UTP20: variants seen among roughly 807,000 people sequenced by gnomAD.
UTP20 encodes small subunit processome component 20 homolog.
In UTP20, 164 loss-of-function variants were observed where a neutral mutation model predicts 329.5. The observed-to-expected ratio is 0.50, with a 90% CI of 0.44 to 0.57. The LOEUF is 0.57. Among genes scored for constraint, UTP20 ranks in the 20% least tolerant of loss-of-function variants. UTP20 has a pLI of 0.00. For synonymous variants in UTP20, 1,151 were observed against 1,159.3 expected, an observed-to-expected ratio of 0.99 and a Z score of 0.14; for missense variants, 3,055 against 3,284.2, an observed-to-expected ratio of 0.93 and a Z score of 1.71.
Position 101,316,043 on chromosome 12 carries a change from G to A in UTP20, c.2553-1435G>A, listed in dbSNP as rs930743744. On this transcript the variant is annotated intron_variant, in intron 21 of 61. Coordinates refer to ENST00000261637, the MANE Select transcript of UTP20 (RefSeq NM_014503.3). ...TAAATAATACATTTATAGATGATCCGAACTAATGGAAAACCCAAATGTCAC... is the reference window on the plus strand; with the variant it reads ...TAAATAATACATTTATAGATGATCCAAACTAATGGAAAACCCAAATGTCAC... Among the ~76,000 whole-genome samples the A allele has an allele frequency of 5.9e-5, 9 of 152,302 alleles. 1 individual carries two copies. The South Asian group carries it at 1.2e-3, about 21-fold the overall frequency.
At chr12:101,294,278 G>A (rs1051800848) in intron 11 of UTP20, among the ~76,000 whole-genome samples, 2 of 151,982 alleles carry the variant, frequency 1.3e-5, no homozygotes, top group African/African-American at 2.4e-5. Flanking sequence ...CTTGTGATCT[G>A]CCTGCCTCGG....
chr12:101,386,183 C>A lies in UTP20; in HGVS notation c.*60C>A. 6.7e-7 allele frequency: 1 copy of A among 1,494,308 alleles called. No individual in the cohort carries two copies. The highest frequency in any genetic ancestry group is 9.0e-7 in the Non-Finnish European group (1 of 1,105,392). 92.6% of individuals were successfully genotyped at this position (1,494,308 alleles called of 1,614,324 possible). ...GGAATATTCTGCTAGTCTGAAATTACAGTAGGTTGTCTGGGGTAGGGGGGA... is the reference window on the plus strand; with the variant it reads ...GGAATATTCTGCTAGTCTGAAATTAAAGTAGGTTGTCTGGGGTAGGGGGGA... On this transcript the variant is annotated 3_prime_UTR_variant, in exon 62 of 62. Transcript: ENST00000261637.
chr12:101,361,319 T>G (rs936181625), intron 43 of UTP20, among the ~76,000 whole-genome samples: 1 of 152,112 alleles, frequency 6.6e-6, no homozygotes, highest in African/African-American at 2.4e-5. Context: ...GTTGGTCTTC[T>G]TTCTTTAAAG....
At chr12:101,357,373 T>C (rs1465714077) in intron 43 of UTP20, among the ~76,000 whole-genome samples, 1 of 152,226 alleles carries the variant, frequency 6.6e-6, no homozygotes, top group Non-Finnish European at 1.5e-5. Flanking sequence ...ATAATTCTTT[T>C]GGGATGTGTA....
intron 35 of UTP20, 64 bp downstream of exon 35, chr12:101,343,157 A>G: frequency 6.0e-6 from 7 of 1,172,804 alleles, no homozygotes; most frequent in Non-Finnish European, 8.2e-6. Flanking sequence ...GCTGCCTAAT[A>G]CAGTGACCTG....
intron 21 of UTP20, among the ~76,000 whole-genome samples, chr12:101,313,709 C>T (rs533851834): frequency 7.4e-5 from 11 of 148,188 alleles, no homozygotes; most frequent in East Asian, 4.0e-4. Flanking sequence ...AGATGTGGGA[C>T]GGGTGTGTGT....
At chr12:101,314,919 C>G (rs527238399) in intron 21 of UTP20, among the ~76,000 whole-genome samples, 80 of 150,868 alleles carry the variant, frequency 5.3e-4, no homozygotes, top group African/African-American at 1.9e-3. Flanking sequence ...TAGTGAAATC[C>G]CGTCTCTACT....
At chr12:101,333,018 C>T (rs1015508749) in intron 27 of UTP20, among the ~76,000 whole-genome samples, 17 of 152,158 alleles carry the variant, frequency 1.1e-4, no homozygotes, top group Non-Finnish European at 2.5e-4. Context: ...TAAAACAATA[C>T]AGAATACAAA....
chr12:101,338,350 A>T (rs940897960), intron 30 of UTP20, 73 bp downstream of exon 30: 4 of 1,502,224 alleles, frequency 2.7e-6, no homozygotes, highest in Non-Finnish European at 3.7e-6. Context: ...GAGAAAAAAA[A>T]TCAGTATAAT....
rs370715875 is a variant in UTP20 at position 101,308,334 on chromosome 12, G to A, written c.2145G>A (p.Pro715=). 5.5e-5 allele frequency: 83 copies of A among 1,508,558 alleles called. No individual in the cohort carries two copies. Among genetic ancestry groups the A allele is most frequent in the Middle Eastern group, 1.8e-4 (1 of 5,670 alleles). 93.4% of individuals were successfully genotyped at this position (1,508,558 alleles called of 1,614,324 possible). A position where few individuals can be genotyped will look rare whatever the true frequency, so the allele number is the denominator to read the frequency against. ...DVVQTAVPDG[P]LQEVPLRYLL... is the part of the protein sequence containing the mutation. Reference sequence around the variant, plus strand: ...TACAGACTGCTGTCCCTGATGGGCCGTTACAGGAGGTAAAAATAGTGTTCT... The same window carrying A: ...TACAGACTGCTGTCCCTGATGGGCCATTACAGGAGGTAAAAATAGTGTTCT... The change falls in exon 18 of 62, where the codon CCG becomes CCA. Residue 715 remains proline, a synonymous_variant. Coordinates refer to ENST00000261637, the MANE Select transcript of UTP20 (RefSeq NM_014503.3).
At chr12:101,290,095 A>G (rs1218191146) in intron 6 of UTP20, 42 bp from the exon 7 acceptor site, 1 of 1,410,518 alleles carries the variant, frequency 7.1e-7, no homozygotes, top group Non-Finnish European at 9.7e-7. Flanking sequence ...GGATATGTTT[A>G]TGTTTGTGAA....
chr12:101,329,846 A>G (rs1176423640), intron 27 of UTP20, among the ~76,000 whole-genome samples: 3 of 152,028 alleles, frequency 2.0e-5, no homozygotes, highest in African/African-American at 4.8e-5. Flanking sequence ...TATGCAAAAA[A>G]GTAAAAAAAT....
intron 40 of UTP20, among the ~76,000 whole-genome samples, chr12:101,354,050 C>T (rs1162834777): frequency 6.6e-6 from 1 of 151,918 alleles, no homozygotes; most frequent in African/African-American, 2.4e-5. Flanking sequence ...CACTTGAGGC[C>T]AGGAGTTCGA....
chr12:101,371,253 G>T, intron 51 of UTP20, 85 bp downstream of exon 51: 1 of 958,852 alleles, frequency 1.0e-6, no homozygotes, highest in Non-Finnish European at 1.5e-6. Context: ...GCTGAATTCT[G>T]AAGACCACCT....
chr12:101,342,458 G>A lies in UTP20; in HGVS notation c.4114G>A (p.Asp1372Asn). 1 of 1,607,438 alleles carries A rather than the reference G, an allele frequency of 6.2e-7. No individual in the cohort carries two copies. The highest frequency in any genetic ancestry group is 8.5e-7 in the Non-Finnish European group (1 of 1,178,352). Residue 1372 changes from aspartate (D) to asparagine (N), a missense_variant, in exon 33 of 62, where the codon GAT becomes AAT. Asp to Asn is a conservative substitution (Grantham distance 23). Around this residue, in one of 3 missense-constraint regions of UTP20, gnomAD observed 2,445 missense variants for 2,575.5 expected, o/e 0.95. Transcript: ENST00000261637. The stretch of plus-strand genomic sequence containing the variant: ...ATTTCTTCTCAAGGATACAGAGGTT[G>A]ATATTCTGGTGACAGTACAAAACTT... Reference protein sequence around the residue: ...RGNIAEDTEVDILVTVQNLLK... With the variant: ...RGNIAEDTEVNILVTVQNLLK...
chr12:101,281,017 C>T (rs1263709305), intron 1 of UTP20, 99 bp from the exon 2 acceptor site: 35 of 980,270 alleles, frequency 3.6e-5, no homozygotes, highest in Non-Finnish European at 4.5e-5. Context: ...TCCACTTATC[C>T]TTTGTGATTA....
chr12:101,353,178 T>C, intron 40 of UTP20, 49 bp downstream of exon 40: 1 of 1,285,472 alleles, frequency 7.8e-7, no homozygotes, highest in Non-Finnish European at 1.1e-6. Flanking sequence ...TATTCTTGGA[T>C]AGTGTATGGT....
rs1038339148 is a variant in UTP20 at position 101,299,609 on chromosome 12, TTTTA to T, written c.1431-69_1431-66del. On this transcript the variant is annotated intron_variant, in intron 12 of 61. Coordinates refer to ENST00000261637, the MANE Select transcript of UTP20 (RefSeq NM_014503.3). ...ATGCTCCACAATGGTAAGAATCCAA[TTTTA>T]TTTCAGACTTCAGAGGGCAAGAGCG... The T allele has an allele frequency of 6.4e-6, 9 of 1,407,452 alleles. No homozygotes were observed. In the Admixed American group the frequency reaches 1.5e-4, roughly 23 times the overall value. 87.2% of individuals were successfully genotyped at this position (1,407,452 alleles called of 1,614,324 possible). A position where few individuals can be genotyped will look rare whatever the true frequency, so the allele number is the denominator to read the frequency against.
chr12:101,306,831 TG>T (rs1261205806), intron 17 of UTP20, 70 bp downstream of exon 17: 61 of 1,410,136 alleles, frequency 4.3e-5, no homozygotes, highest in Non-Finnish European at 5.9e-5. Context: ...GTTTCCAAAA[TG>T]ATACCTTTGC....
Sources: allele counts gnomAD v4.1 joint callset (sites outside exome capture counted in the v4.1 genomes callset), GRCh38; gene constraint gnomAD v4.1.1; regional missense constraint gnomAD v4.1.1; transcripts MANE v1.5; gene names NCBI Gene and HGNC (gene_info 2026-07-23, HGNC 2026-07-21).